The following TRHDE variants were observed in gnomAD, a reference collection of about 807,000 sequenced individuals.
TRHDE encodes thyrotropin releasing hormone degrading enzyme.
Under a neutral mutation model 125.7 loss-of-function variants are expected in TRHDE, and 72 were observed. That is an observed-to-expected ratio of 0.57 (90% CI 0.47 to 0.70). The LOEUF is 0.70. Among genes scored for constraint, TRHDE ranks in the 30% least tolerant of loss-of-function variants. The pLI, the probability that TRHDE is intolerant of heterozygous loss-of-function variation, is 0.00. For synonymous variants in TRHDE, 509 were observed against 509.1 expected (o/e 1.00, Z 0.00); for missense variants, 1,110 against 1,327.1 (o/e 0.84, Z 2.54).
intron 3 of TRHDE, among the ~76,000 whole-genome samples, chr12:72,431,410 T>C (rs1326681078): frequency 6.6e-6 from 1 of 152,148 alleles, no homozygotes; most frequent in Non-Finnish European, 1.5e-5. Flanking sequence ...GGTTTATCTG[T>C]GGTTGTTATG....
chr12:72,312,261 TTATGCTC>T (rs1372428360), intron 2 of TRHDE, among the ~76,000 whole-genome samples: 3 of 152,218 alleles, frequency 2.0e-5, no homozygotes, highest in Non-Finnish European at 4.4e-5. Flanking sequence ...GTGTCGTCCC[TTATGCTC>T]TATTTATCTA....
intron 3 of TRHDE, among the ~76,000 whole-genome samples, chr12:72,440,413 T>G (rs928387263): frequency 1.3e-5 from 2 of 151,980 alleles, no homozygotes; most frequent in Non-Finnish European, 2.9e-5. Flanking sequence ...TCAATTTTAT[T>G]AAATTTTCAC....
chr12:72,348,133 T>C (rs1014772868), intron 2 of TRHDE, among the ~76,000 whole-genome samples: 1 of 152,020 alleles, frequency 6.6e-6, no homozygotes, highest in Non-Finnish European at 1.5e-5. Flanking sequence ...TATATACTTA[T>C]ATATATACAC....
At chr12:72,419,229 C>T (rs1046487388) in intron 3 of TRHDE, among the ~76,000 whole-genome samples, 7 of 152,020 alleles carry the variant, frequency 4.6e-5, no homozygotes, top group African/African-American at 1.7e-4. Flanking sequence ...AGAAACTGGT[C>T]TATTTATCCA....
rs1874232376 is a variant in TRHDE at position 72,645,191 on chromosome 12, A to G, written c.2676-7131A>G. Among the ~76,000 whole-genome samples, 4 of 152,332 alleles carry G rather than the reference A, an allele frequency of 2.6e-5. No individual in the cohort carries two copies. The South Asian group carries it at 8.3e-4, about 32-fold the overall frequency. On this transcript the variant is annotated intron_variant, in intron 15 of 18. Coordinates refer to ENST00000261180, the MANE Select transcript of TRHDE (RefSeq NM_013381.3). The stretch of plus-strand genomic sequence containing the variant: ...GATTTACCTGACAGATACTTCAAAA[A>G]AACTATCATAAAGAAGATCACTGAA...
intron 2 of TRHDE, among the ~76,000 whole-genome samples, chr12:72,356,978 T>C (rs1465752463): frequency 6.6e-6 from 1 of 151,554 alleles, no homozygotes; most frequent in African/African-American, 2.4e-5. Context: ...ATAATGCCTG[T>C]GATTTCCTTT....
intron 2 of TRHDE, among the ~76,000 whole-genome samples, chr12:72,301,117 G>A (rs753579886): frequency 2.0e-5 from 3 of 152,042 alleles, no homozygotes; most frequent in Non-Finnish European, 4.4e-5. Context: ...GAAGAAATAC[G>A]GAGTTCTATT....
chr12:72,188,704 A>C (rs955554412), intron 2 of TRHDE, among the ~76,000 whole-genome samples: 2 of 152,246 alleles, frequency 1.3e-5, no homozygotes, highest in Non-Finnish European at 2.9e-5. Context: ...AATGCCAAGA[A>C]ATCTGATTTT....
In TRHDE at chr12:72,188,868, G is replaced by A. The variant is rs139312985; in HGVS notation, n.279+83116G>A. ...GTTTAGCCTTCTTCCTTTTCCTTGT[G>A]TCTTTGGTACCCACCTACCCAGCTG... is the stretch of plus-strand genomic sequence containing the variant. On this transcript the variant is annotated intron_variant and non_coding_transcript_variant, in intron 2 of 4. Coordinates refer to the TRHDE transcript ENST00000548156. Among the ~76,000 whole-genome samples, 745 of 152,308 alleles carry A rather than the reference G, an allele frequency of 4.9e-3. 10 individuals carry two copies. Among genetic ancestry groups the A allele is most frequent in the African/African-American group, 0.017 (688 of 41,578 alleles).
At chr12:72,473,225 C>G in intron 5 of TRHDE, 45 bp downstream of exon 5, 1 of 1,448,810 alleles carries the variant, frequency 6.9e-7, no homozygotes, top group Non-Finnish European at 9.7e-7. Context: ...AAAGGCCGAT[C>G]TAGTGTTACA....
rs550909792 is a variant in TRHDE at position 72,388,092 on chromosome 12, A to G, written c.1315+9971A>G. On this transcript the variant is annotated intron_variant, in intron 3 of 18. Transcript: ENST00000261180. ...CTCCTCTCTGTTTCAGCTGCACTGC[A>G]TTCCTCGCTGTTTCTCCAACAGGCC... Among the ~76,000 whole-genome samples the G allele has an allele frequency of 2.0e-4, 31 of 151,680 alleles. No homozygotes were observed. The Middle Eastern group carries it at 0.01, about 50-fold the overall frequency.
At position 72,456,176 on chromosome 12, in the gene TRHDE, C is replaced by CACACAG. The variant is rs796569778; in HGVS notation, c.1316-13581_1316-13580insCACAGA. On this transcript the variant is annotated intron_variant, in intron 3 of 18. Transcript: ENST00000261180. ...ACACACACACACACACACACACACA[C>CACACAG]AGAGACTCAGAGAGTTGGACATATG... Among the ~76,000 whole-genome samples, 415 of 140,516 alleles carry CACACAG rather than the reference C, an allele frequency of 3.0e-3. 9 individuals are homozygous for CACACAG. Among genetic ancestry groups the CACACAG allele is most frequent in the South Asian group, 0.013 (59 of 4,440 alleles). The allele number at this position is 140,516 out of a possible 152,430, so 92.2% of individuals were successfully genotyped here.
intron 1 of TRHDE, among the ~76,000 whole-genome samples, chr12:72,092,406 G>T (rs1189440224): frequency 6.6e-6 from 1 of 152,224 alleles, no homozygotes; most frequent in Admixed American, 6.5e-5. Flanking sequence ...GGAAAGCATA[G>T]TTAGGAGCTC....
At chr12:72,210,188 A>ATCTG (rs1877749109) in intron 2 of TRHDE, among the ~76,000 whole-genome samples, 1 of 146,456 alleles carries the variant, frequency 6.8e-6, no homozygotes, top group Admixed American at 6.7e-5. Context: ...CTATCTATCT[A>ATCTG]TCTATCTATC....
chr12:72,248,890 A>G (rs1352815121), intron 2 of TRHDE, among the ~76,000 whole-genome samples: 1 of 152,204 alleles, frequency 6.6e-6, no homozygotes, highest in Non-Finnish European at 1.5e-5. Context: ...TCATTGATAG[A>G]TCTTAATGTT....
At chr12:72,595,157 A>G (rs913411997) in intron 12 of TRHDE, among the ~76,000 whole-genome samples, 1 of 149,378 alleles carries the variant, frequency 6.7e-6, no homozygotes, top group African/African-American at 2.5e-5. Flanking sequence ...AGATATACCT[A>G]ATGCTAAATG....
At chr12:72,437,244 C>T (rs770948385) in intron 3 of TRHDE, among the ~76,000 whole-genome samples, 2 of 151,798 alleles carry the variant, frequency 1.3e-5, no homozygotes, top group Non-Finnish European at 2.9e-5. Flanking sequence ...TCAAATATTG[C>T]CTTACAGAGA....
intron 2 of TRHDE, among the ~76,000 whole-genome samples, chr12:72,228,996 C>G (rs1237065896): frequency 6.6e-6 from 1 of 152,184 alleles, no homozygotes; most frequent in Non-Finnish European, 1.5e-5. Context: ...CAACAAGTCT[C>G]TAGGGAGTTC....
Position 72,249,101 on chromosome 12 carries a change from A to G in TRHDE, n.280-128894A>G, listed in dbSNP as rs1878631613. ...TGATGTAACTATAACACATCTAGAC[A>G]AAAGCATAGGAGAAAATCTTCATGA... On this transcript the variant is annotated intron_variant and non_coding_transcript_variant, in intron 2 of 4. Coordinates refer to the TRHDE transcript ENST00000548156. Among the ~76,000 whole-genome samples, 2 of 152,200 alleles carry G rather than the reference A, an allele frequency of 1.3e-5. 1 individual carries two copies. The highest frequency in any genetic ancestry group is 4.1e-4 in the South Asian group (2 of 4,832).
Sources: allele counts gnomAD v4.1 joint callset (sites outside exome capture counted in the v4.1 genomes callset), GRCh38; gene constraint gnomAD v4.1.1; transcripts MANE v1.5; gene names NCBI Gene and HGNC (gene_info 2026-07-23, HGNC 2026-07-21).